IL1RAPL2: variants seen among roughly 807,000 people sequenced by gnomAD.
The protein encoded by IL1RAPL2 is interleukin 1 receptor accessory protein like 2.
In IL1RAPL2, 3 loss-of-function variants were observed where a neutral mutation model predicts 44.1. That is an observed-to-expected ratio of 0.07 (90% CI 0.03 to 0.18). IL1RAPL2 has a LOEUF of 0.18. Among genes scored for constraint, IL1RAPL2 ranks in the 10% least tolerant of loss-of-function variants. IL1RAPL2 has a pLI of 1.00. For missense variants in IL1RAPL2, 391 were observed against 496.4 expected, an observed-to-expected ratio of 0.79 and a Z score of 2.02; for synonymous variants, 181 against 178.8, an observed-to-expected ratio of 1.01 and a Z score of -0.10.
chrX:105,088,613 T>G (rs2032505319), intron 2 of IL1RAPL2, among the ~76,000 whole-genome samples: 1 of 110,905 alleles, frequency 9.0e-6, no homozygotes, highest in Non-Finnish European at 1.9e-5. Context: ...ATTGCTTTGG[T>G]TTTTTTCTAT....
chrX:105,370,233 A>G (rs1377766725), intron 5 of IL1RAPL2, among the ~76,000 whole-genome samples: 1 of 111,629 alleles, frequency 9.0e-6, no homozygotes, highest in Non-Finnish European at 1.9e-5. Context: ...CTTATTTTTT[A>G]GACTTTTAGG....
chrX:104,898,963 T>C (rs184400188), intron 2 of IL1RAPL2, among the ~76,000 whole-genome samples: 1 of 112,411 alleles, frequency 8.9e-6, no homozygotes, highest in African/African-American at 3.2e-5. Context: ...TGCAAATATT[T>C]TTTTTCCCTC....
In IL1RAPL2 at chrX:104,841,562, G is replaced by A. The variant is rs765313853; in HGVS notation, c.82+182567G>A. Among the ~76,000 whole-genome samples the A allele has an allele frequency of 1.1e-4, 12 of 111,709 alleles. No individual in the cohort carries two copies. In the South Asian group the frequency reaches 3.8e-3, roughly 35 times the overall value. Reference sequence around the variant, plus strand: ...TGTCCATATTTAGTGCTTCCTTCAGGAGCTCTTGAAAGGCAGGCCTGGTGG... The same window carrying A: ...TGTCCATATTTAGTGCTTCCTTCAGAAGCTCTTGAAAGGCAGGCCTGGTGG... On this transcript the variant is annotated intron_variant, in intron 2 of 10. Coordinates refer to ENST00000372582, the MANE Select transcript of IL1RAPL2 (RefSeq NM_017416.2).
rs1268591081 is a variant in IL1RAPL2, at chrX:105,256,280, C to T, written c.544-11108C>T. On this transcript the variant is annotated intron_variant, in intron 4 of 10. Transcript: ENST00000372582. ...CGCTATGAATCCATCAAGTCCTGGG[C>T]CTTTGTTTTTCTTTTTGGTGGATAG... is the stretch of plus-strand genomic sequence containing the variant. Among the ~76,000 whole-genome samples, 13 of 110,043 alleles carry T rather than the reference C, an allele frequency of 1.2e-4. No individual in the cohort carries two copies. The Admixed American group carries it at 1.3e-3, about 11-fold the overall frequency.
At chrX:105,744,071 C>A (rs2038521239) in intron 8 of IL1RAPL2, among the ~76,000 whole-genome samples, 1 of 111,915 alleles carries the variant, frequency 8.9e-6, no homozygotes, top group African/African-American at 3.2e-5. Flanking sequence ...AAGATTACTG[C>A]TGTTTTTGCT....
chrX:105,712,176 A>G (rs1353897840), intron 6 of IL1RAPL2, among the ~76,000 whole-genome samples: 2 of 111,642 alleles, frequency 1.8e-5, no homozygotes, highest in Non-Finnish European at 3.8e-5. Flanking sequence ...GGCTGGTTTT[A>G]CCCTAGGGCC....
intron 6 of IL1RAPL2, among the ~76,000 whole-genome samples, chrX:105,493,298 G>A (rs2036334343): frequency 9.0e-6 from 1 of 111,224 alleles, no homozygotes; most frequent in Admixed American, 9.6e-5. Context: ...AGAATTGCTG[G>A]GTCATTCGGT....
At chrX:105,427,977 T>C (rs779335056) in intron 5 of IL1RAPL2, among the ~76,000 whole-genome samples, 1 of 111,896 alleles carries the variant, frequency 8.9e-6, no homozygotes, top group East Asian at 2.8e-4. Flanking sequence ...TTTGAATATA[T>C]ACAAATTCAA....
At position 104,709,627 on chromosome X, in the gene IL1RAPL2, T is replaced by C. The variant is rs1035196843; in HGVS notation, c.82+50632T>C. On this transcript the variant is annotated intron_variant, in intron 2 of 10. Coordinates refer to ENST00000372582, the MANE Select transcript of IL1RAPL2 (RefSeq NM_017416.2). Reference sequence around the variant, plus strand: ...TCTTCTCTTTTTGGCATGTGTAATATTGAATTCGAGTTTAGTTAAAATATT... The same window carrying C: ...TCTTCTCTTTTTGGCATGTGTAATACTGAATTCGAGTTTAGTTAAAATATT... Among the ~76,000 whole-genome samples, 3 of 111,189 alleles carry C rather than the reference T, an allele frequency of 2.7e-5. No individual in the cohort carries two copies. The Admixed American group carries it at 2.9e-4, about 11-fold the overall frequency.
rs375093106 is a variant in IL1RAPL2 at position 105,371,606 on chromosome X, T to C, written c.697+104065T>C. On this transcript the variant is annotated intron_variant, in intron 5 of 10. Coordinates refer to ENST00000372582, the MANE Select transcript of IL1RAPL2 (RefSeq NM_017416.2). ...TCAGATAGATCAGTAGGTAGGTATG[T>C]AAACAGCCAGCCAACCAGATATGTT... Among the ~76,000 whole-genome samples, 10 of 111,980 alleles carry C rather than the reference T, an allele frequency of 8.9e-5. No homozygotes were observed. In the East Asian group the frequency reaches 2.5e-3, roughly 28 times the overall value.
At chrX:105,313,572 G>A (rs1193254564) in intron 5 of IL1RAPL2, among the ~76,000 whole-genome samples, 4 of 111,496 alleles carry the variant, frequency 3.6e-5, no homozygotes, top group African/African-American at 1.3e-4. Flanking sequence ...GTTACACTTT[G>A]TGCCCCCCTC....
At chrX:105,017,256 G>C in intron 2 of IL1RAPL2, among the ~76,000 whole-genome samples, 1 of 110,264 alleles carries the variant, frequency 9.1e-6, no homozygotes, top group Non-Finnish European at 1.9e-5. Context: ...AAAACCAGCT[G>C]CTGGATCCAT....
At chrX:105,392,607 A>G in intron 5 of IL1RAPL2, among the ~76,000 whole-genome samples, 1 of 111,880 alleles carries the variant, frequency 8.9e-6, no homozygotes. Context: ...ACATTTTTTT[A>G]AGGTGCAAGT....
chrX:105,459,951 A>G (rs2036081811), intron 5 of IL1RAPL2, among the ~76,000 whole-genome samples: 1 of 111,408 alleles, frequency 9.0e-6, no homozygotes, highest in Admixed American at 9.7e-5. Context: ...CAACTTACCA[A>G]TATAATCCGG....
At position 105,184,738 on chromosome X, in the gene IL1RAPL2, T is replaced by C. The variant is rs189550562; in HGVS notation, c.83-10737T>C. On this transcript the variant is annotated intron_variant, in intron 2 of 10. Coordinates refer to ENST00000372582, the MANE Select transcript of IL1RAPL2 (RefSeq NM_017416.2). ...ATTTCATAATGCCCTTTTACTGTCA[T>C]GAAGTGAAATTTATAGGTAATATGA... Among the ~76,000 whole-genome samples the C allele has an allele frequency of 4.8e-3, 535 of 110,546 alleles. 2 individuals carry two copies. The highest frequency in any genetic ancestry group is 7.4e-3 in the Non-Finnish European group (389 of 52,865).
chrX:105,396,213 T>C (rs1178487932), intron 5 of IL1RAPL2, among the ~76,000 whole-genome samples: 3 of 109,909 alleles, frequency 2.7e-5, no homozygotes, highest in African/African-American at 9.9e-5. Flanking sequence ...TATGTTACCA[T>C]TCGGATGCAC....
chrX:105,100,124 T>C lies in IL1RAPL2; in HGVS notation c.83-95351T>C, dbSNP rs756577071. Among the ~76,000 whole-genome samples the C allele has an allele frequency of 9.8e-5, 11 of 112,172 alleles. No homozygotes were observed. The South Asian group carries it at 4.1e-3, about 42-fold the overall frequency. On this transcript the variant is annotated intron_variant, in intron 2 of 10. Coordinates refer to ENST00000372582, the MANE Select transcript of IL1RAPL2 (RefSeq NM_017416.2). ...TTATAGATTTTATTATTAGTTATTGTTGTTAATCTCTTACTGTGCCCAATT... is the reference window on the plus strand; with the variant it reads ...TTATAGATTTTATTATTAGTTATTGCTGTTAATCTCTTACTGTGCCCAATT...
chrX:104,911,725 G>A lies in IL1RAPL2; in HGVS notation c.82+252730G>A, dbSNP rs191139196. ...CCAAACCTCTCACCCTGGTCTACAAGTCCCTGCACTATCTGACATACAGCT... is the reference window on the plus strand; with the variant it reads ...CCAAACCTCTCACCCTGGTCTACAAATCCCTGCACTATCTGACATACAGCT... On this transcript the variant is annotated intron_variant, in intron 2 of 10. Coordinates refer to ENST00000372582, the MANE Select transcript of IL1RAPL2 (RefSeq NM_017416.2). 1.5e-3 allele frequency among the ~76,000 whole-genome samples: 165 copies of A among 111,676 alleles called. 1 individual carries two copies. The highest frequency in any genetic ancestry group is 5.1e-3 in the African/African-American group (157 of 30,757).
chrX:104,590,637 G>A (rs1928648076), intron 1 of IL1RAPL2, among the ~76,000 whole-genome samples: 1 of 111,833 alleles, frequency 8.9e-6, no homozygotes, highest in Non-Finnish European at 1.9e-5. Flanking sequence ...GAGACAAGCT[G>A]TGATCTGCAT....
Sources: gnomAD v4.1 joint callset for allele counts (sites outside exome capture counted in the v4.1 genomes callset) on GRCh38, gnomAD v4.1.1 for gene constraint, MANE v1.5 for transcripts, NCBI Gene and HGNC (gene_info 2026-07-23, HGNC 2026-07-21) for gene names.